Variants in UTRN observed in about 807,000 individuals in gnomAD.
The protein encoded by UTRN is dystrophin-related protein 1.
Under a neutral mutation model 463.9 loss-of-function variants are expected in UTRN, and 283 were observed. That is an observed-to-expected ratio of 0.61 (90% CI 0.55 to 0.67). The LOEUF (loss-of-function observed/expected upper bound fraction) is 0.67. UTRN is among the 30% of genes least tolerant of loss of function. UTRN has a pLI of 0.00. For synonymous variants in UTRN, 1,442 were observed against 1,431.5 expected (o/e 1.01, Z -0.17); for missense variants, 3,922 against 4,084.3 (o/e 0.96, Z 1.08).
intron 51 of UTRN, among the ~76,000 whole-genome samples, chr6:144,664,203 C>T (rs78197552): frequency 0.016 from 2,371 of 152,240 alleles, 53 homozygotes; most frequent in African/African-American, 0.053. Flanking sequence ...AATGTGTGTG[C>T]ATGTGTGTGG....
intron 69 of UTRN, among the ~76,000 whole-genome samples, chr6:144,834,319 A>G (rs945147020): frequency 2.0e-5 from 3 of 152,186 alleles, no homozygotes; most frequent in African/African-American, 4.8e-5. Context: ...ATCTATATCT[A>G]TATATTTCTA....
At chr6:144,724,290 G>A (rs147768504) in intron 53 of UTRN, among the ~76,000 whole-genome samples, 4,501 of 140,228 alleles carry the variant, frequency 0.032, 86 homozygotes, top group South Asian at 0.046. Flanking sequence ...GTGCAGTGGC[G>A]CAATCTCAGC....
chr6:144,487,761 C>T (rs1371077755), intron 29 of UTRN, 64 bp downstream of exon 29: 16 of 1,465,426 alleles, frequency 1.1e-5, no homozygotes, highest in Middle Eastern at 1.8e-4. Flanking sequence ...GCCCTAAGCT[C>T]CATATCATAG....
chr6:144,683,054 T>C (rs1229863659), intron 52 of UTRN, among the ~76,000 whole-genome samples: 1 of 152,144 alleles, frequency 6.6e-6, no homozygotes, highest in Non-Finnish European at 1.5e-5. Flanking sequence ...CAAAGTGTGC[T>C]CAAGGGGCAT....
intron 5 of UTRN, 90 bp from the exon 6 acceptor site, chr6:144,423,896 G>C (rs1030724130): frequency 9.8e-5 from 130 of 1,329,746 alleles, no homozygotes; most frequent in Admixed American, 3.0e-4. Flanking sequence ...TTATACTGCT[G>C]TCCAAATGTG....
chr6:144,840,873 CT>C (rs1562972914), intron 73 of UTRN, 41 bp downstream of exon 73: 1 of 1,606,452 alleles, frequency 6.2e-7, no homozygotes, highest in South Asian at 1.1e-5. Flanking sequence ...GCACGTGTTC[CT>C]TCCCTTTCTC....
intron 2 of UTRN, among the ~76,000 whole-genome samples, chr6:144,316,284 CA>C (rs1210052806): frequency 6.6e-6 from 1 of 152,176 alleles, no homozygotes; most frequent in Non-Finnish European, 1.5e-5. Flanking sequence ...TTACTGACCC[CA>C]TAGCTCTCAT....
rs1251482915 is a variant in UTRN at position 144,285,731 on chromosome 6, G to A, written c.-183G>A. The A allele has an allele frequency of 5.9e-5, 9 of 151,904 alleles. No homozygotes were observed. Among genetic ancestry groups the A allele is most frequent in the Admixed American group, 5.9e-4 (9 of 15,250 alleles). The allele number at this position is 151,904 out of a possible 1,614,324, so 9.4% of individuals were successfully genotyped here. A position where few individuals can be genotyped will look rare whatever the true frequency, so the allele number is the denominator to read the frequency against. On this transcript the variant is annotated 5_prime_UTR_variant, in exon 1 of 75. Coordinates refer to ENST00000367545, the MANE Select transcript of UTRN (RefSeq NM_007124.3). ...AACTAACACTCGCACACACCCCCGC[G>A]GTTACTCCGTGTCAAACTCCTAGAG...
chr6:144,600,029 A>G lies in UTRN; in HGVS notation c.7479+22741A>G, dbSNP rs200555798. ...GTGATCAGTGATCTTTGATGTTACT[A>G]TTGTAATTGTTTTGGGCACCTCAAG... On this transcript the variant is annotated intron_variant, in intron 51 of 74. Transcript: ENST00000367545. Among the ~76,000 whole-genome samples, 27 of 152,274 alleles carry G rather than the reference A, an allele frequency of 1.8e-4. No individual in the cohort carries two copies. The East Asian group carries it at 5.0e-3, about 28-fold the overall frequency.
intron 2 of UTRN, among the ~76,000 whole-genome samples, chr6:144,328,073 CCGCAACCCCACCTGTCTACTAT>C (rs1355686187): frequency 1.2e-4 from 19 of 152,112 alleles, no homozygotes; most frequent in Admixed American, 1.2e-3. Context: ...GTAATACATT[CCGCAACCCCACCTGTCTACTAT>C]CGCAACCCCA....
At chr6:144,754,868 G>A (rs1586399057) in intron 57 of UTRN, 70 bp downstream of exon 57, 8 of 1,444,020 alleles carry the variant, frequency 5.5e-6, no homozygotes, top group Non-Finnish European at 9.7e-7. Context: ...TTTAATTGAA[G>A]AAGCCGTATT....
intron 54 of UTRN, among the ~76,000 whole-genome samples, chr6:144,734,597 C>T (rs930635893): frequency 2.0e-5 from 3 of 152,138 alleles, no homozygotes; most frequent in African/African-American, 4.8e-5. Context: ...CCTTTTGTCA[C>T]CCAAATCCAT....
intron 25 of UTRN, among the ~76,000 whole-genome samples, chr6:144,475,159 T>G (rs1469255732): frequency 6.6e-6 from 1 of 152,216 alleles, no homozygotes; most frequent in Non-Finnish European, 1.5e-5. Context: ...GCTTACATTC[T>G]AGTGAGGCAG....
At chr6:144,756,372 G>A (rs1460045263) in intron 57 of UTRN, among the ~76,000 whole-genome samples, 2 of 152,116 alleles carry the variant, frequency 1.3e-5, no homozygotes, top group African/African-American at 4.8e-5. Context: ...GTGAAATATT[G>A]TGAAATTTAT....
At chr6:144,838,386 T>C (rs927175024) in intron 71 of UTRN, among the ~76,000 whole-genome samples, 1 of 115,644 alleles carries the variant, frequency 8.6e-6, no homozygotes, top group Non-Finnish European at 1.8e-5. Flanking sequence ...AATTCAACTC[T>C]AATAGTAAAA....
Position 144,531,141 on chromosome 6 carries a change from T to G in UTRN, c.5996T>G (p.Leu1999Arg). 6.2e-7 allele frequency: 1 copy of G among 1,614,074 alleles called. No individual in the cohort carries two copies. Among genetic ancestry groups the G allele is most frequent in the Middle Eastern group, 1.6e-4 (1 of 6,062 alleles). The stretch of plus-strand genomic sequence containing the variant: ...TGGATAACAGAGGCTGAAGAATTAC[T>G]GGTTGATACCTGTGCTCCAGGTGGC... ...TQWITEAEEL[L>R]VDTCAPGGSL... The change falls in exon 42 of 75, where the codon CTG becomes CGG. Residue 1999 changes from leucine to arginine, a missense_variant. This residue lies in a region of UTRN where 2,349 missense variants were observed against 2,303.8 expected (regional missense o/e 1.02). Transcript: ENST00000367545.
chr6:144,639,718 G>T (rs1777567786), intron 51 of UTRN, among the ~76,000 whole-genome samples: 2 of 149,772 alleles, frequency 1.3e-5, no homozygotes, highest in South Asian at 2.1e-4. Context: ...TTTATTTTCA[G>T]TATTTTTTTG....
intron 25 of UTRN, among the ~76,000 whole-genome samples, chr6:144,477,571 C>CT (rs367851704): frequency 3.0e-4 from 45 of 150,852 alleles, no homozygotes; most frequent in South Asian, 4.2e-4. Flanking sequence ...CGCACACACC[C>CT]TTTTTTTTTG....
In UTRN at chr6:144,412,736, G is replaced by GTA. The variant is rs752178936; in HGVS notation, c.142-9127_142-9126dup. 3.1e-3 allele frequency among the ~76,000 whole-genome samples: 330 copies of GTA among 107,060 alleles called. 2 individuals are homozygous for GTA. Among genetic ancestry groups the GTA allele is most frequent in the South Asian group, 0.017 (57 of 3,416 alleles). 70.2% of individuals were successfully genotyped at this position (107,060 alleles called of 152,430 possible). ...TATATATGTTTGTGTGTGTGTGTGT[G>GTA]TATATATATATATATACACACACCA... On this transcript the variant is annotated intron_variant, in intron 3 of 74. Transcript: ENST00000367545.
Sources: allele counts gnomAD v4.1 joint callset (sites outside exome capture counted in the v4.1 genomes callset), GRCh38; gene constraint gnomAD v4.1.1; regional missense constraint gnomAD v4.1.1; transcripts MANE v1.5; gene names NCBI Gene and HGNC (gene_info 2026-07-23, HGNC 2026-07-21).